LRRC36: variants seen among roughly 807,000 people sequenced by gnomAD.
LRRC36 encodes the protein leucine-rich repeat-containing protein 36.
Under a neutral mutation model 81.1 loss-of-function variants are expected in LRRC36, and 62 were observed. That is an observed-to-expected ratio of 0.76 (90% CI 0.62 to 0.94). The LOEUF (loss-of-function observed/expected upper bound fraction) is 0.94. LRRC36 is among the 40% of genes least tolerant of loss of function. The pLI is 0.00. For missense variants in LRRC36, 761 were observed against 881.7 expected (o/e 0.86, Z 1.73); for synonymous variants, 334 against 348.6 (o/e 0.96, Z 0.47).
At chr16:67,357,813 CAT>C (rs1463509948) in intron 5 of LRRC36, among the ~76,000 whole-genome samples, 3 of 152,324 alleles carry the variant, frequency 2.0e-5, no homozygotes, top group African/African-American at 7.2e-5. Flanking sequence ...TTTGTACAAA[CAT>C]GTGAAGTGGA....
At chr16:67,367,483 GTCT>G (rs1215283881) in intron 8 of LRRC36, 26 bp downstream of exon 8, 10 of 1,578,856 alleles carry the variant, frequency 6.3e-6, no homozygotes, top group South Asian at 4.7e-5. Flanking sequence ...CAGTTTACAG[GTCT>G]TCTTCATAGG....
chr16:67,368,013 C>G (rs1009522388), intron 8 of LRRC36, among the ~76,000 whole-genome samples: 11 of 152,128 alleles, frequency 7.2e-5, no homozygotes, highest in African/African-American at 2.7e-4. Context: ...AAGCCAAGAT[C>G]GGGCCACTGC....
chr16:67,331,481 T>G (rs1344935943), intron 1 of LRRC36, among the ~76,000 whole-genome samples: 1 of 152,168 alleles, frequency 6.6e-6, no homozygotes, highest in Non-Finnish European at 1.5e-5. Flanking sequence ...ACTATGATAG[T>G]GCTACTGCCC....
rs549175423 is a variant in LRRC36 at position 67,376,190 on chromosome 16, C to T, written c.1661-537C>T. 5.0e-3 allele frequency among the ~76,000 whole-genome samples: 764 copies of T among 152,212 alleles called. 8 individuals carry two copies. The highest frequency in any genetic ancestry group is 0.018 in the East Asian group (93 of 5,178). On this transcript the variant is annotated intron_variant, in intron 10 of 13. Coordinates refer to ENST00000329956, the MANE Select transcript of LRRC36 (RefSeq NM_018296.6). ...AGGCGTAGTGGTGTGCGCCTGTAAT[C>T]CCAGCTACTGGGGAGGCTGAGGCGG...
chr16:67,332,452 G>A (rs2037541216), intron 1 of LRRC36, among the ~76,000 whole-genome samples: 1 of 152,124 alleles, frequency 6.6e-6, no homozygotes, highest in South Asian at 2.1e-4. Flanking sequence ...TACTTGGGAG[G>A]CTGAGACAGG....
At position 67,384,858 on chromosome 16, in the gene LRRC36, C is replaced by G; in HGVS notation, c.2046-12C>G. 1 of 1,608,154 alleles carries G rather than the reference C, an allele frequency of 6.2e-7. No individual in the cohort carries two copies. The stretch of plus-strand genomic sequence containing the variant: ...TATGATTTCATGACTGCCTTTTTCC[C>G]TTGGGCCTCAGATCCCTGGTGGTAA... On this transcript the variant is annotated splice_polypyrimidine_tract_variant and intron_variant, in intron 13 of 13. Coordinates refer to ENST00000329956, the MANE Select transcript of LRRC36 (RefSeq NM_018296.6).
At chr16:67,355,790 A>G (rs2038878377) in intron 5 of LRRC36, among the ~76,000 whole-genome samples, 1 of 152,198 alleles carries the variant, frequency 6.6e-6, no homozygotes, top group Non-Finnish European at 1.5e-5. Flanking sequence ...GGCTGGTGAC[A>G]TGCTACAGAA....
chr16:67,327,447 C>T (rs932407505), intron 1 of LRRC36, among the ~76,000 whole-genome samples: 6 of 151,986 alleles, frequency 3.9e-5, no homozygotes, highest in Admixed American at 2.6e-4. Flanking sequence ...TAGCCGAGAT[C>T]GCACCACTGC....
intron 5 of LRRC36, among the ~76,000 whole-genome samples, chr16:67,363,247 T>G (rs184575315): frequency 2.8e-3 from 430 of 152,324 alleles, no homozygotes; most frequent in Admixed American, 7.6e-3. Flanking sequence ...GGTATCACAG[T>G]TAATTATTTA....
chr16:67,341,901 C>T, intron 1 of LRRC36, 56 bp from the exon 2 acceptor site: 1 of 1,482,266 alleles, frequency 6.7e-7, no homozygotes, highest in Admixed American at 1.9e-5. Context: ...CTTTCACTGA[C>T]TCTGCTGTTG....
At chr16:67,369,411 G>A (rs1007531475) in intron 8 of LRRC36, among the ~76,000 whole-genome samples, 1 of 152,180 alleles carries the variant, frequency 6.6e-6, no homozygotes, top group Admixed American at 6.5e-5. Flanking sequence ...GGGAGGGAGG[G>A]AGCCTGGGAC....
At chr16:67,340,433 A>G (rs2037976852) in intron 1 of LRRC36, among the ~76,000 whole-genome samples, 1 of 151,598 alleles carries the variant, frequency 6.6e-6, no homozygotes, top group Non-Finnish European at 1.5e-5. Context: ...TGAGGCTGAG[A>G]CTGGTGGATC....
At chr16:67,350,402 C>G in intron 5 of LRRC36, 112 bp downstream of exon 5, 1 of 883,516 alleles carries the variant, frequency 1.1e-6, no homozygotes, top group East Asian at 2.4e-5. Context: ...CAATTTGAAG[C>G]AAGCACAGGT....
chr16:67,370,670 C>G (rs2039595312), intron 8 of LRRC36, among the ~76,000 whole-genome samples: 1 of 151,550 alleles, frequency 6.6e-6, no homozygotes, highest in South Asian at 2.1e-4. Flanking sequence ...AACTGGGCAC[C>G]ACTAAGGGCG....
At chr16:67,331,572 A>G (rs528876700) in intron 1 of LRRC36, among the ~76,000 whole-genome samples, 1 of 152,320 alleles carries the variant, frequency 6.6e-6, no homozygotes, top group South Asian at 2.1e-4. Context: ...GGACGTTCAA[A>G]CCATAGCAAT....
chr16:67,375,394 C>T lies in LRRC36; in HGVS notation c.1642C>T (p.Leu548Phe), dbSNP rs369490965. ...KHWNGSGSLL[L>F]NKKFLGPARD... The stretch of plus-strand genomic sequence containing the variant: ...CTGGAATGGCTCCGGCTCCCTCCTC[C>T]TCAACAAGAAGTTTCTCGGTGAGTG... The change falls in exon 10 of 14, where the codon CTC becomes TTC. Residue 548 changes from leucine to phenylalanine, a missense_variant. Physicochemically the swap from Leu to Phe is conservative, Grantham distance 22 (BLOSUM62 0). Coordinates refer to ENST00000329956, the MANE Select transcript of LRRC36 (RefSeq NM_018296.6). 6.3e-6 allele frequency: 10 copies of T among 1,584,072 alleles called. No homozygotes were observed. The highest frequency in any genetic ancestry group is 8.5e-6 in the Non-Finnish European group (10 of 1,171,806).
intron 1 of LRRC36, among the ~76,000 whole-genome samples, chr16:67,337,901 C>T (rs949579393): frequency 1.3e-5 from 2 of 151,918 alleles, no homozygotes; most frequent in Non-Finnish European, 2.9e-5. Flanking sequence ...GCCTGCCCAA[C>T]ATGGAGAAAC....
In LRRC36 at chr16:67,385,128, C is replaced by A; in HGVS notation, c.*39C>A. 1 of 1,516,012 alleles carries A rather than the reference C, an allele frequency of 6.6e-7. No individual in the cohort carries two copies. The highest frequency in any genetic ancestry group is 9.1e-7 in the Non-Finnish European group (1 of 1,095,318). The allele number at this position is 1,516,012 out of a possible 1,614,324, so 93.9% of individuals were successfully genotyped here. ...CTCACACCACAGCTTCCCTGGTCCACAGAGGCTCTCACCGCCATTGCCACC... is the reference window on the plus strand; with the variant it reads ...CTCACACCACAGCTTCCCTGGTCCAAAGAGGCTCTCACCGCCATTGCCACC... On this transcript the variant is annotated 3_prime_UTR_variant, in exon 14 of 14. Transcript: ENST00000329956.
intron 1 of LRRC36, among the ~76,000 whole-genome samples, chr16:67,338,865 A>ATTTTTTTTTTT (rs71145967): frequency 2.2e-5 from 1 of 45,374 alleles, no homozygotes; most frequent in African/African-American, 8.1e-5. Flanking sequence ...TGGAAGCTGA[A>ATTTTTTTTTTT]TTTTTTTTTT....
Sources: allele counts gnomAD v4.1 joint callset (sites outside exome capture counted in the v4.1 genomes callset), GRCh38; gene constraint gnomAD v4.1.1; transcripts MANE v1.5; gene names NCBI Gene and HGNC (gene_info 2026-07-23, HGNC 2026-07-21).